The following PIK3CD variants were observed in gnomAD, a reference collection of about 807,000 sequenced individuals.
PIK3CD encodes the protein phosphatidylinositol 4,5-bisphosphate 3-kinase catalytic subunit delta isoform.
Under a neutral mutation model 122.9 loss-of-function variants are expected in PIK3CD, and 20 were observed. That is an observed-to-expected ratio of 0.16 (90% CI 0.11 to 0.24). The LOEUF (loss-of-function observed/expected upper bound fraction) is 0.24, where lower values mean the gene tolerates loss of function less well. Ranked by LOEUF, PIK3CD falls within the 10% of genes least tolerant of loss-of-function variation. PIK3CD has a pLI of 1.00. For missense variants in PIK3CD, 787 were observed against 1,406.3 expected (o/e 0.56, Z 7.04); for synonymous variants, 596 against 593.4 (o/e 1.00, Z -0.06).
Position 9,722,208 on chromosome 1 carries a change from GA to G in PIK3CD, c.2235-35del. ...TCCCACCCCTGGGAGGCCGGTAGAG[GA>G]GCCCCTGCTGACTGCCCGCTCTCTG... On this transcript the variant is annotated intron_variant, in intron 17 of 23. Transcript: ENST00000377346. The surrounding 1 kb of genome is among the most constrained non-coding windows in gnomAD (Gnocchi z 7.6). The G allele has an allele frequency of 4.3e-6, 7 of 1,611,200 alleles. No homozygotes were observed. The highest frequency in any genetic ancestry group is 5.9e-6 in the Non-Finnish European group (7 of 1,178,986).
rs112370463 is a variant in PIK3CD at position 9,703,454 on chromosome 1, AC to A, written c.-32-6968del. 5.7e-3 allele frequency among the ~76,000 whole-genome samples: 867 copies of A among 152,174 alleles called. 16 individuals carry two copies. The highest frequency in any genetic ancestry group is 0.044 in the East Asian group (229 of 5,180). On this transcript the variant is annotated intron_variant, in intron 2 of 23. Coordinates refer to ENST00000377346, the MANE Select transcript of PIK3CD (RefSeq NM_005026.5). ...CCCCAGCTCCCAGATTAAAAAAAAA[AC>A]CAACAAAAACGTAAAGTTACTAGCA... is the stretch of plus-strand genomic sequence containing the variant.
chr1:9,636,526 C>T, the PIK3CD span, among the ~76,000 whole-genome samples: 1 of 152,198 alleles, frequency 6.6e-6, no homozygotes, highest in Non-Finnish European at 1.5e-5. Context: ...AAGACACCAT[C>T]AGTTCCCATG....
chr1:9,651,427 T>C (rs939343901), upstream of PIK3CD, among the ~76,000 whole-genome samples: 1 of 152,224 alleles, frequency 6.6e-6, no homozygotes, highest in African/African-American at 2.4e-5. Flanking sequence ...GCTGAAATTC[T>C]TTCCTGCGTG....
Position 9,716,577 on chromosome 1 carries a change from G to C in PIK3CD, c.738G>C (p.Arg246Ser), listed in dbSNP as rs779682634. 1 of 1,588,942 alleles carries C rather than the reference G, an allele frequency of 6.3e-7. No individual in the cohort carries two copies. Among genetic ancestry groups the C allele is most frequent in the South Asian group, 1.1e-5 (1 of 88,498 alleles). The change falls in exon 6 of 24, where the codon AGG becomes AGC. Residue 246 changes from arginine (R) to serine (S), a missense_variant. Physicochemically the swap from Arg to Ser is moderately radical, Grantham distance 110. Around this residue, in one of 6 missense-constraint regions of PIK3CD, gnomAD observed 592 missense variants for 920.6 expected, o/e 0.64. Transcript: ENST00000377346. The part of the protein sequence containing the change: ...PEDYTLQVNG[R>S]HEYLYGSYPL... The stretch of plus-strand genomic sequence containing the variant: ...ACTACACGCTGCAGGTGAACGGCAG[G>C]CATGAGTACCTGTATGGCAGCTACC...
Position 9,720,026 on chromosome 1 carries a change from A to G in PIK3CD, c.1339+9A>G. 6.2e-7 allele frequency: 1 copy of G among 1,613,494 alleles called. No individual in the cohort carries two copies. Among genetic ancestry groups the G allele is most frequent in the African/African-American group, 1.3e-5 (1 of 75,054 alleles). On this transcript the variant is annotated intron_variant, in intron 10 of 23. Coordinates refer to ENST00000377346, the MANE Select transcript of PIK3CD (RefSeq NM_005026.5). This position sits in a 1 kb window ranked among gnomAD's most constrained non-coding sequence, Gnocchi z 9.0. ...GTGGCCCTCCGTCCCAGGTCGGCCC[A>G]GGCCCAGGAGGGAGAGGCGTTGGGA...
chr1:9,717,742 T>G lies in PIK3CD; in HGVS notation c.1020+116T>G, dbSNP rs982556058. On this transcript the variant is annotated intron_variant, in intron 8 of 23. Coordinates refer to ENST00000377346, the MANE Select transcript of PIK3CD (RefSeq NM_005026.5). The surrounding 1 kb of genome is among the most constrained non-coding windows in gnomAD (Gnocchi z 5.4). ...ATCACATGAAAGCCACCTGACCACA[T>G]TACCCAGCATCCCTGCCTGGGGCGC... 9.5e-5 allele frequency: 88 copies of G among 930,228 alleles called. No homozygotes were observed. The highest frequency in any genetic ancestry group is 1.4e-4 in the Non-Finnish European group (81 of 584,946). 57.6% of individuals were successfully genotyped at this position (930,228 alleles called of 1,614,324 possible). A position where few individuals can be genotyped will look rare whatever the true frequency, so the allele number is the denominator to read the frequency against.
At chr1:9,630,740 G>A in the PIK3CD span, among the ~76,000 whole-genome samples, 1 of 114,478 alleles carries the variant, frequency 8.7e-6, no homozygotes, top group African/African-American at 3.2e-5. Flanking sequence ...GTGTGTGTGT[G>A]CAGAAGAGGG....
chr1:9,657,394 G>A (rs1001361225), intron 1 of PIK3CD, among the ~76,000 whole-genome samples: 4 of 152,068 alleles, frequency 2.6e-5, no homozygotes, highest in African/African-American at 9.7e-5. Flanking sequence ...TTCTGGGGAC[G>A]GTGGGAAGTG....
the PIK3CD span, among the ~76,000 whole-genome samples, chr1:9,639,546 G>A: frequency 1.3e-5 from 2 of 152,190 alleles, no homozygotes; most frequent in Non-Finnish European, 2.9e-5. Context: ...GTTGGGGGCA[G>A]GGCTGCATTT....
chr1:9,727,113 C>T lies in PIK3CD; in HGVS notation c.*67C>T, dbSNP rs574467255. ...GTCGTGGGGACCAAGCACATTGGTC[C>T]TAAAGGGGCTGAAGAGCCTGAACTG... On this transcript the variant is annotated 3_prime_UTR_variant, in exon 24 of 24. Transcript: ENST00000377346. The T allele has an allele frequency of 4.5e-5, 71 of 1,589,378 alleles. No homozygotes were observed. The Middle Eastern group carries it at 6.7e-4, about 15-fold the overall frequency.
rs755788138 is a variant in PIK3CD at position 9,715,933 on chromosome 1, C to T, written c.455C>T (p.Ala152Val). 16 of 1,612,198 alleles carry T rather than the reference C, an allele frequency of 9.9e-6. No individual in the cohort carries two copies. The African/African-American group carries it at 1.9e-4, about 19-fold the overall frequency. ...KMCQFCEEAA[A>V]RRQQLGWEAW... ...TGCCAATTCTGCGAGGAGGCGGCCG[C>T]CCGCCGGCAGCAGCTGGGCTGGGAG... Residue 152 changes from alanine (A) to valine (V), a missense_variant, in exon 5 of 24, where the codon GCC becomes GTC. Physicochemically the swap from Ala to Val is moderately conservative, Grantham distance 64 (BLOSUM62 0). Around this residue, in one of 6 missense-constraint regions of PIK3CD, gnomAD observed 592 missense variants for 920.6 expected, o/e 0.64. Transcript: ENST00000377346. This position sits in a 1 kb window ranked among gnomAD's most constrained non-coding sequence, Gnocchi z 4.1.
At chr1:9,646,719 G>A in the PIK3CD span, among the ~76,000 whole-genome samples, 1 of 152,284 alleles carries the variant, frequency 6.6e-6, no homozygotes, top group African/African-American at 2.4e-5. Context: ...TTGGGAGGCC[G>A]AGGCGGGCGG....
intron 3 of PIK3CD, among the ~76,000 whole-genome samples, chr1:9,712,362 C>G (rs188768910): frequency 6.6e-6 from 1 of 150,760 alleles, no homozygotes; most frequent in Non-Finnish European, 1.5e-5. Flanking sequence ...CTCACTGCAA[C>G]CTCCGCCTCC....
rs200918933 is a variant in PIK3CD, at chr1:9,721,147, C to T, written c.1710C>T (p.Ser570=). ...CCCAGATGCTCTACCTGCTGTGCTC[C>T]TGGCCGGAGCTGCCCGTCCTGAGCG... ...DVAQMLYLLC[S]WPELPVLSAL... The change falls in exon 14 of 24, where the codon TCC becomes TCT. Residue 570 remains serine (S), a synonymous_variant. Coordinates refer to ENST00000377346, the MANE Select transcript of PIK3CD (RefSeq NM_005026.5). The T allele has an allele frequency of 4.0e-4, 653 of 1,612,570 alleles. 10 individuals are homozygous for T. In the South Asian group the frequency reaches 6.8e-3, roughly 17 times the overall value.
At chr1:9,654,452 T>TG in intron 1 of PIK3CD, 1 of 1,300,212 alleles carries the variant, frequency 7.7e-7, no homozygotes, top group Non-Finnish European at 1.0e-6. Flanking sequence ...CCTGGGGGGC[T>TG]TACAGGACAG....
chr1:9,639,670 C>T, the PIK3CD span, among the ~76,000 whole-genome samples: 1 of 152,220 alleles, frequency 6.6e-6, no homozygotes, highest in Non-Finnish European at 1.5e-5. Flanking sequence ...CCTCCCTCTT[C>T]TGGGGCTCTG....
rs750802258 is a variant in PIK3CD, at chr1:9,727,283, C to T, written c.*237C>T. 8.9e-6 allele frequency: 5 copies of T among 564,456 alleles called. No individual in the cohort carries two copies. Among genetic ancestry groups the T allele is most frequent in the Non-Finnish European group, 1.6e-5 (5 of 315,250 alleles). The allele number at this position is 564,456 out of a possible 1,614,324, so 35.0% of individuals were successfully genotyped here. Reference sequence around the variant, plus strand: ...CGGTGCTGGGCCCCCCGAGGCTGCACCTGGCTCTCGGCTGAGGATTGTCAC... The same window carrying T: ...CGGTGCTGGGCCCCCCGAGGCTGCATCTGGCTCTCGGCTGAGGATTGTCAC... On this transcript the variant is annotated 3_prime_UTR_variant, in exon 24 of 24. Transcript: ENST00000377346.
chr1:9,658,957 A>G (rs1033718738), intron 1 of PIK3CD, among the ~76,000 whole-genome samples: 1 of 152,244 alleles, frequency 6.6e-6, no homozygotes, highest in Non-Finnish European at 1.5e-5. Flanking sequence ...CCAGGCACAT[A>G]GCAATCCATG....
intron 1 of PIK3CD, chr1:9,687,592 GGGGCCGGGGGCGGTCTCCAGCCCCC>G (rs1197487655): frequency 6.6e-6 from 1 of 152,062 alleles, no homozygotes; most frequent in African/African-American, 2.4e-5. Flanking sequence ...GCGTGGGGGC[GGGGCCGGGGGCGGTCTCCAGCCCCC>G]GGCCCGGGCT....
Sources: allele counts gnomAD v4.1 joint callset (sites outside exome capture counted in the v4.1 genomes callset), GRCh38; gene constraint gnomAD v4.1.1; regional missense constraint gnomAD v4.1.1; non-coding constraint Gnocchi (gnomAD v3.1); transcripts MANE v1.5; gene names NCBI Gene and HGNC (gene_info 2026-07-23, HGNC 2026-07-21).